Variants in AUTS2 observed in about 807,000 individuals in gnomAD.
AUTS2 encodes the protein activator of transcription and developmental regulator AUTS2.
In AUTS2, 17 loss-of-function variants were observed where a neutral mutation model predicts 112.4. That is an observed-to-expected ratio of 0.15 (90% CI 0.10 to 0.23). AUTS2 has a LOEUF of 0.23. Ranked by LOEUF, AUTS2 falls within the 10% of genes least tolerant of loss-of-function variation. The pLI is 1.00. For synonymous variants in AUTS2, 751 were observed against 702.7 expected (o/e 1.07, Z -1.09); for missense variants, 1,510 against 1,701.6 (o/e 0.89, Z 1.98).
At chr7:70,580,431 G>A (rs1306262810) in intron 5 of AUTS2, among the ~76,000 whole-genome samples, 3 of 152,156 alleles carry the variant, frequency 2.0e-5, no homozygotes, top group Non-Finnish European at 4.4e-5. Flanking sequence ...TCAAAAGGGT[G>A]GATGAAGTAG....
At chr7:70,372,746 GA>G (rs368649264) in intron 4 of AUTS2, among the ~76,000 whole-genome samples, 86 of 149,430 alleles carry the variant, frequency 5.8e-4, no homozygotes, top group African/African-American at 1.2e-3. Flanking sequence ...AAACAAAGAG[GA>G]AAAAAAAATC....
rs1791940043 is a variant in AUTS2, at chr7:70,791,275, C to A, written c.*279C>A. 1.5e-4 allele frequency: 24 copies of A among 162,386 alleles called. No individual in the cohort carries two copies. Among genetic ancestry groups the A allele is most frequent in the Non-Finnish European group, 1.8e-4 (15 of 85,520 alleles). The allele number at this position is 162,386 out of a possible 1,614,324, so 10.1% of individuals were successfully genotyped here. ...ATTTGAACCAAAACAGTGAAGATGA[C>A]AACACACACCAATTGGATGATAATT... On this transcript the variant is annotated 3_prime_UTR_variant, in exon 19 of 19. Transcript: ENST00000342771.
chr7:70,703,407 G>A (rs10254837), intron 6 of AUTS2, among the ~76,000 whole-genome samples: 14,573 of 145,078 alleles, frequency 0.1, 811 homozygotes, highest in African/African-American at 0.13. Context: ...GAGGTGAGAG[G>A]ATCACTTGGG....
At chr7:70,245,500 A>T (rs1203494831) in intron 4 of AUTS2, among the ~76,000 whole-genome samples, 1 of 152,122 alleles carries the variant, frequency 6.6e-6, no homozygotes, top group African/African-American at 2.4e-5. Flanking sequence ...CATTCTGTAG[A>T]TGGAATATAT....
chr7:70,712,206 T>C (rs1202560193), intron 6 of AUTS2, among the ~76,000 whole-genome samples: 1 of 125,826 alleles, frequency 7.9e-6, no homozygotes, highest in African/African-American at 3.2e-5. Flanking sequence ...TTTTTTTTTT[T>C]TTTTTTTTTT....
At chr7:70,786,704 C>G (rs17763090) in intron 17 of AUTS2, among the ~76,000 whole-genome samples, 1 of 151,928 alleles carries the variant, frequency 6.6e-6, no homozygotes, top group Non-Finnish European at 1.5e-5. Context: ...CTGAGCATAC[C>G]GTCACAGGTC....
chr7:70,772,661 C>T (rs545172810), intron 11 of AUTS2, among the ~76,000 whole-genome samples: 1 of 152,300 alleles, frequency 6.6e-6, no homozygotes, highest in South Asian at 2.1e-4. Flanking sequence ...GGTGGGGTCC[C>T]CTCCCCCTTC....
chr7:70,719,181 C>T (rs1810534221), intron 6 of AUTS2, among the ~76,000 whole-genome samples: 1 of 152,170 alleles, frequency 6.6e-6, no homozygotes, highest in Non-Finnish European at 1.5e-5. Context: ...GGTTACACAC[C>T]TAGTTACGTC....
intron 4 of AUTS2, among the ~76,000 whole-genome samples, chr7:70,358,939 G>A (rs966249685): frequency 1.3e-5 from 2 of 152,258 alleles, no homozygotes; most frequent in African/African-American, 4.8e-5. Context: ...GACACAAGGT[G>A]TGAAGGCTTA....
chr7:69,972,530 C>G (rs1797888991), intron 2 of AUTS2, among the ~76,000 whole-genome samples: 1 of 152,040 alleles, frequency 6.6e-6, no homozygotes, highest in Admixed American at 6.6e-5. Context: ...CTTTGCTTAT[C>G]CTTTGATCCT....
chr7:69,706,843 G>A (rs1184941697), intron 1 of AUTS2, among the ~76,000 whole-genome samples: 1 of 152,176 alleles, frequency 6.6e-6, no homozygotes, highest in East Asian at 1.9e-4. Context: ...ATTGTGTGAT[G>A]AGATTACACT....
chr7:70,096,786 C>T (rs1291619711), intron 2 of AUTS2, among the ~76,000 whole-genome samples: 1 of 151,894 alleles, frequency 6.6e-6, no homozygotes, highest in Non-Finnish European at 1.5e-5. Flanking sequence ...AGTTCAAGTA[C>T]GATATAGAAA....
rs558340591 is a variant in AUTS2 at position 70,688,815 on chromosome 7, C to T, written c.691-9754C>T. 1.5e-3 allele frequency among the ~76,000 whole-genome samples: 232 copies of T among 152,296 alleles called. 1 individual carries two copies. The highest frequency in any genetic ancestry group is 5.2e-3 in the African/African-American group (218 of 41,564). ...CTCTAGCCTGGGCAACACAGCAAGA[C>T]GCCATCTCAACAAAACAAAACATGC... On this transcript the variant is annotated intron_variant, in intron 5 of 18. Coordinates refer to ENST00000342771, the MANE Select transcript of AUTS2 (RefSeq NM_015570.4).
intron 1 of AUTS2, among the ~76,000 whole-genome samples, chr7:69,628,580 T>A (rs1794071371): frequency 1.3e-5 from 2 of 152,176 alleles, no homozygotes; most frequent in Non-Finnish European, 2.9e-5. Flanking sequence ...TTCCACAGGC[T>A]GTACAGGAAG....
In AUTS2 at chr7:70,407,218, T is replaced by G. The variant is rs554253477; in HGVS notation, c.661-28534T>G. ...CAGAATTTTGTCAGAATTTGAAGAT[T>G]TTGGAATCATAATCAGATAGCCAGT... On this transcript the variant is annotated intron_variant, in intron 4 of 18. Coordinates refer to ENST00000342771, the MANE Select transcript of AUTS2 (RefSeq NM_015570.4). Among the ~76,000 whole-genome samples, 5 of 152,280 alleles carry G rather than the reference T, an allele frequency of 3.3e-5. No individual in the cohort carries two copies. In the South Asian group the frequency reaches 8.3e-4, roughly 25 times the overall value.
rs1252805686 is a variant in AUTS2, at chr7:69,843,397, A to T, written c.310-55889A>T. Among the ~76,000 whole-genome samples, 3 of 152,210 alleles carry T rather than the reference A, an allele frequency of 2.0e-5. No homozygotes were observed. In the East Asian group the frequency reaches 5.8e-4, roughly 29 times the overall value. ...GCTTGTTCTTAGGGCAGAGTTTTTC[A>T]ACAACAGGTATATATAAGAGGTCAA... is the stretch of plus-strand genomic sequence containing the variant. On this transcript the variant is annotated intron_variant, in intron 1 of 18. Coordinates refer to ENST00000342771, the MANE Select transcript of AUTS2 (RefSeq NM_015570.4).
At chr7:70,644,056 G>T (rs62456777) in intron 5 of AUTS2, among the ~76,000 whole-genome samples, 1 of 152,130 alleles carries the variant, frequency 6.6e-6, no homozygotes. Context: ...TGGTCTAGAC[G>T]ACACTTTGGG....
At chr7:69,636,341 C>G (rs954259551) in intron 1 of AUTS2, among the ~76,000 whole-genome samples, 1 of 152,202 alleles carries the variant, frequency 6.6e-6, no homozygotes, top group African/African-American at 2.4e-5. Flanking sequence ...AGCGATTCTC[C>G]TGCTGCAGCC....
At chr7:69,618,567 A>G (rs898176752) in intron 1 of AUTS2, among the ~76,000 whole-genome samples, 2 of 152,192 alleles carry the variant, frequency 1.3e-5, no homozygotes, top group Non-Finnish European at 2.9e-5. Context: ...AGACACCACC[A>G]GTGCCCATAA....
Sources: allele counts gnomAD v4.1 joint callset (sites outside exome capture counted in the v4.1 genomes callset), GRCh38; gene constraint gnomAD v4.1.1; transcripts MANE v1.5; gene names NCBI Gene and HGNC (gene_info 2026-07-23, HGNC 2026-07-21).